The following EXOC6B variants were observed in gnomAD, a reference collection of about 807,000 sequenced individuals.
EXOC6B encodes SEC15 homolog B.
EXOC6B carries 54 observed loss-of-function variants against 113.5 expected under a neutral mutation model. The ratio of observed to expected loss-of-function variants is 0.48; its 90% CI spans 0.38 to 0.60. The LOEUF is 0.60. EXOC6B is among the 20% of genes least tolerant of loss of function. The pLI, the probability that EXOC6B is intolerant of heterozygous loss-of-function variation, is 0.00. For synonymous variants in EXOC6B, 357 were observed against 339.0 expected (o/e 1.05, Z -0.58); for missense variants, 797 against 977.5 (o/e 0.82, Z 2.46).
intron 11 of EXOC6B, among the ~76,000 whole-genome samples, chr2:72,504,096 T>C (rs1700478780): frequency 6.6e-6 from 1 of 152,052 alleles, no homozygotes; most frequent in South Asian, 2.1e-4. Flanking sequence ...TTTTTGTAGA[T>C]GGTGTCTCAC....
intron 1 of EXOC6B, among the ~76,000 whole-genome samples, chr2:72,821,433 T>TA (rs1389435776): frequency 6.6e-6 from 1 of 152,048 alleles, no homozygotes; most frequent in African/African-American, 2.4e-5. Context: ...ATGTTAAACA[T>TA]AGAGTTACCT....
chr2:72,326,048 G>A (rs562944982), intron 20 of EXOC6B, among the ~76,000 whole-genome samples: 1 of 152,192 alleles, frequency 6.6e-6, no homozygotes, highest in South Asian at 2.1e-4. Context: ...CCGGCTACCA[G>A]TAGAATGCAG....
At chr2:72,272,355 C>T (rs1684545285) in intron 20 of EXOC6B, among the ~76,000 whole-genome samples, 1 of 151,990 alleles carries the variant, frequency 6.6e-6, no homozygotes, top group African/African-American at 2.4e-5. Flanking sequence ...GAAAACATCC[C>T]CTTCCTGAAT....
intron 20 of EXOC6B, among the ~76,000 whole-genome samples, chr2:72,322,709 C>A (rs909031276): frequency 1.3e-5 from 2 of 151,964 alleles, no homozygotes; most frequent in African/African-American, 4.8e-5. Flanking sequence ...ATCTGATATT[C>A]GACAAACCTG....
At chr2:72,221,618 C>T (rs1233279499) in intron 20 of EXOC6B, among the ~76,000 whole-genome samples, 2 of 152,144 alleles carry the variant, frequency 1.3e-5, no homozygotes, top group Non-Finnish European at 2.9e-5. Context: ...CTACCCTAAA[C>T]TGTAAACTCC....
intron 20 of EXOC6B, among the ~76,000 whole-genome samples, chr2:72,194,108 G>T (rs915611909): frequency 6.6e-6 from 1 of 152,128 alleles, no homozygotes; most frequent in East Asian, 1.9e-4. Context: ...AATTCTCTCA[G>T]ATGTAAGGCA....
intron 20 of EXOC6B, among the ~76,000 whole-genome samples, chr2:72,269,913 A>G (rs957755405): frequency 1.3e-5 from 2 of 152,172 alleles, no homozygotes; most frequent in African/African-American, 4.8e-5. Flanking sequence ...TTTGAAGTTA[A>G]CTAATCTTTT....
chr2:72,718,334 C>T (rs1432674290), intron 5 of EXOC6B, 27 bp from the exon 6 acceptor site: 1 of 1,598,226 alleles, frequency 6.3e-7, no homozygotes, highest in South Asian at 1.1e-5. Context: ...TCACCTTTAG[C>T]TCACTCAGTT....
intron 20 of EXOC6B, among the ~76,000 whole-genome samples, chr2:72,259,506 T>C (rs1295332564): frequency 6.6e-6 from 1 of 152,238 alleles, no homozygotes; most frequent in Non-Finnish European, 1.5e-5. Context: ...TTTACAAGTC[T>C]TTTCGTGGAC....
chr2:72,531,539 TA>T (rs1702003543), intron 8 of EXOC6B, among the ~76,000 whole-genome samples: 1 of 152,210 alleles, frequency 6.6e-6, no homozygotes, highest in East Asian at 1.9e-4. Context: ...GCTAGACCAT[TA>T]AGAAAATCTC....
intron 6 of EXOC6B, among the ~76,000 whole-genome samples, chr2:72,591,259 A>C (rs1049754413): frequency 6.6e-6 from 1 of 152,108 alleles, no homozygotes; most frequent in South Asian, 2.1e-4. Context: ...TTCAAAAATA[A>C]ATGCAAACTA....
rs1423220534 is a variant in EXOC6B at position 72,768,038 on chromosome 2, A to G, written c.114-26569T>C. On this transcript the variant is annotated intron_variant, in intron 1 of 21. Transcript: ENST00000272427. The stretch of plus-strand genomic sequence containing the variant: ...AGGCTGAGGCAGGAGAATCACATGA[A>G]CCCGGGAGGCAGAGGTTACAGTGAG... 3.6e-4 allele frequency among the ~76,000 whole-genome samples: 53 copies of G among 148,392 alleles called. 1 individual carries two copies. Among genetic ancestry groups the G allele is most frequent in the Middle Eastern group, 3.6e-3 (1 of 280 alleles).
intron 12 of EXOC6B, among the ~76,000 whole-genome samples, 168 bp downstream of exon 12, chr2:72,499,733 T>C (rs1245518807): frequency 6.6e-6 from 1 of 152,022 alleles, no homozygotes; most frequent in African/African-American, 2.4e-5. Flanking sequence ...GGAGTCTCAC[T>C]ATATTTCTGA....
chr2:72,563,159 G>A (rs1014484263), intron 7 of EXOC6B, among the ~76,000 whole-genome samples: 15 of 152,006 alleles, frequency 9.9e-5, no homozygotes, highest in African/African-American at 3.1e-4. Flanking sequence ...GATAAATAAC[G>A]AGCTAGTAAA....
Position 72,318,108 on chromosome 2 carries a change from T to C in EXOC6B, c.2196+16839A>G, listed in dbSNP as rs184618488. ...AGACAAGCAAAGGTTTGAACACTTT[T>C]TATTATCAGCATGGGATTAAATTCT... On this transcript the variant is annotated intron_variant, in intron 20 of 21. Coordinates refer to ENST00000272427, the MANE Select transcript of EXOC6B (RefSeq NM_015189.3). Among the ~76,000 whole-genome samples the C allele has an allele frequency of 1.2e-4, 19 of 152,316 alleles. 1 individual carries two copies. The highest frequency in any genetic ancestry group is 4.3e-4 in the African/African-American group (18 of 41,574).
intron 20 of EXOC6B, among the ~76,000 whole-genome samples, chr2:72,225,735 C>T (rs755434052): frequency 3.3e-5 from 5 of 151,776 alleles, no homozygotes; most frequent in Non-Finnish European, 5.9e-5. Context: ...TACAGTTTTA[C>T]ATTTTTCACC....
chr2:72,625,058 T>G (rs1304113671), intron 6 of EXOC6B, among the ~76,000 whole-genome samples: 2 of 143,180 alleles, frequency 1.4e-5, no homozygotes, highest in African/African-American at 5.3e-5. Flanking sequence ...ATATAGAAGT[T>G]TTTTTTTGGG....
At position 72,499,525 on chromosome 2, in the gene EXOC6B, C is replaced by G. The variant is rs900397060; in HGVS notation, c.1239+376G>C. ...AAATAACAGGCGTGAGGTACTGCAC[C>G]CAGTCAGATTTTTTTTTTTTTTTTT... On this transcript the variant is annotated intron_variant, in intron 12 of 21. Transcript: ENST00000272427. Among the ~76,000 whole-genome samples, 18 of 149,260 alleles carry G rather than the reference C, an allele frequency of 1.2e-4. 1 individual carries two copies. Among genetic ancestry groups the G allele is most frequent in the African/African-American group, 4.3e-4 (17 of 39,182 alleles).
At chr2:72,297,911 T>C (rs1196881520) in intron 20 of EXOC6B, among the ~76,000 whole-genome samples, 1 of 152,198 alleles carries the variant, frequency 6.6e-6, no homozygotes, top group East Asian at 1.9e-4. Context: ...TTTCCAATTA[T>C]GTGGTCAACT....
Sources: gnomAD v4.1 joint callset for allele counts (sites outside exome capture counted in the v4.1 genomes callset) on GRCh38, gnomAD v4.1.1 for gene constraint, MANE v1.5 for transcripts, NCBI Gene and HGNC (gene_info 2026-07-23, HGNC 2026-07-21) for gene names.